The following WDSUB1 variants were observed in gnomAD, a reference collection of about 807,000 sequenced individuals.
WDSUB1 encodes WD repeat, SAM and U-box domain-containing protein 1.
WDSUB1 carries 49 observed loss-of-function variants against 53.9 expected under a neutral mutation model. The ratio of observed to expected loss-of-function variants is 0.91; its 90% CI spans 0.72 to 1.15. The LOEUF (loss-of-function observed/expected upper bound fraction) is 1.15, where lower values mean the gene tolerates loss of function less well. Ranked by LOEUF, WDSUB1 falls within the 50% of genes most tolerant of loss-of-function variation. The pLI, the probability that WDSUB1 is intolerant of heterozygous loss-of-function variation, is 0.00. For synonymous variants in WDSUB1, 194 were observed against 200.6 expected (o/e 0.97, Z 0.28); for missense variants, 514 against 562.0 (o/e 0.91, Z 0.86).
chr2:159,255,846 C>G (rs1223902200), intron 9 of WDSUB1, among the ~76,000 whole-genome samples: 2 of 152,046 alleles, frequency 1.3e-5, no homozygotes, highest in Non-Finnish European at 2.9e-5. Context: ...GATATCAAAA[C>G]TTGTTTTTGG....
chr2:159,236,205 T>C lies in WDSUB1; in HGVS notation c.1274-15A>G. On this transcript the variant is annotated splice_polypyrimidine_tract_variant and intron_variant, in intron 10 of 10. Transcript: ENST00000359774. ...TGAATAGCCATCTAAAAAAAAAAAA[T>C]CACACAAATTACATGATGTAGGAAA... 2 of 1,540,068 alleles carry C rather than the reference T, an allele frequency of 1.3e-6. No homozygotes were observed. The highest frequency in any genetic ancestry group is 1.8e-6 in the Non-Finnish European group (2 of 1,128,908).
At chr2:159,256,513 C>A (rs1183796231) in intron 8 of WDSUB1, 138 bp from the exon 9 acceptor site, 1 of 859,810 alleles carries the variant, frequency 1.2e-6, no homozygotes, top group Non-Finnish European at 1.7e-6. Flanking sequence ...GCCTATAATC[C>A]TAGCTTCTCA....
At chr2:159,241,879 G>T (rs1481301026) in intron 10 of WDSUB1, among the ~76,000 whole-genome samples, 10 of 142,450 alleles carry the variant, frequency 7.0e-5, no homozygotes, top group Admixed American at 6.1e-4. Context: ...GTGGTAAGCT[G>T]GCAAAAAAAT....
At chr2:159,268,664 G>C (rs1575477800) in intron 5 of WDSUB1, among the ~76,000 whole-genome samples, 1 of 152,170 alleles carries the variant, frequency 6.6e-6, no homozygotes, top group South Asian at 2.1e-4. Flanking sequence ...AGACAGGAAA[G>C]TTTTAGAAAA....
In WDSUB1 at chr2:159,247,894, T is replaced by TATATATATATAAATATATATATATATAA. The variant is rs1283473239; in HGVS notation, c.1273+477_1273+478insTTATATATATATATATTTATATATATAT. Among the ~76,000 whole-genome samples, 431 of 43,806 alleles carry TATATATATATAAATATATATATATATAA rather than the reference T, an allele frequency of 9.8e-3. 27 individuals are homozygous for TATATATATATAAATATATATATATATAA. Among genetic ancestry groups the TATATATATATAAATATATATATATATAA allele is most frequent in the Non-Finnish European group, 0.017 (316 of 18,746 alleles). 28.7% of individuals were successfully genotyped at this position (43,806 alleles called of 152,430 possible). A position where few individuals can be genotyped will look rare whatever the true frequency, so the allele number is the denominator to read the frequency against. On this transcript the variant is annotated intron_variant, in intron 10 of 10. Transcript: ENST00000359774. Reference sequence around the variant, plus strand: ...TAGGCCAAAATTAAATAAATATATATATATATATATATATAAATATATATA... The same window carrying TATATATATATAAATATATATATATATAA: ...TAGGCCAAAATTAAATAAATATATATATATATATATAAATATATATATATATAAATATATATATATATAAATATATATA...
At chr2:159,255,243 G>A (rs1291817088) in intron 9 of WDSUB1, among the ~76,000 whole-genome samples, 2 of 152,026 alleles carry the variant, frequency 1.3e-5, no homozygotes, top group East Asian at 1.9e-4. Flanking sequence ...TGAGGCAGGC[G>A]GATCACAAGG....
At chr2:159,256,106 TAAG>T in intron 9 of WDSUB1, 87 bp downstream of exon 9, 1 of 1,276,626 alleles carries the variant, frequency 7.8e-7, no homozygotes, top group Non-Finnish European at 1.1e-6. Context: ...GCCAGAACAT[TAAG>T]AAGAAACCAT....
rs58584838 is a variant in WDSUB1 at position 159,280,690 on chromosome 2, C to CAAAA, written c.399-749_399-746dup. 4.4e-4 allele frequency among the ~76,000 whole-genome samples: 26 copies of CAAAA among 59,592 alleles called. 2 individuals carry two copies. Among genetic ancestry groups the CAAAA allele is most frequent in the Middle Eastern group, 0.026 (2 of 76 alleles). The allele number at this position is 59,592 out of a possible 152,430, so 39.1% of individuals were successfully genotyped here. A position where few individuals can be genotyped will look rare whatever the true frequency, so the allele number is the denominator to read the frequency against. ...TGGGCGACAGAGCGAGACTCCGTCTCAAAAAAAAAAAAAAAAAAATTACCC... is the reference window on the plus strand; with the variant it reads ...TGGGCGACAGAGCGAGACTCCGTCTCAAAAAAAAAAAAAAAAAAAAAAATTACCC... On this transcript the variant is annotated intron_variant, in intron 2 of 10. Transcript: ENST00000359774.
At chr2:159,261,888 ATATATATATTTTTTTTTTTTTTTT>A (rs1366786107) in intron 5 of WDSUB1, among the ~76,000 whole-genome samples, 13 of 14,230 alleles carry the variant, frequency 9.1e-4, no homozygotes, top group Non-Finnish European at 1.3e-3. Flanking sequence ...ATATATATAT[ATATATATATTTTTTTTTTTTTTTT>A]TTTTTTTTTT....
At chr2:159,272,980 A>G (rs116515223) in intron 4 of WDSUB1, among the ~76,000 whole-genome samples, 1 of 152,344 alleles carries the variant, frequency 6.6e-6, no homozygotes, top group Non-Finnish European at 1.5e-5. Context: ...AAGGAAATAC[A>G]CGAGGGAAAT....
At chr2:159,264,328 G>A (rs1420663751) in intron 5 of WDSUB1, among the ~76,000 whole-genome samples, 1 of 152,204 alleles carries the variant, frequency 6.6e-6, no homozygotes, top group African/African-American at 2.4e-5. Flanking sequence ...CAACAGGACT[G>A]TTAGCAATAT....
chr2:159,274,772 A>T (rs1160859582), intron 4 of WDSUB1, among the ~76,000 whole-genome samples: 2 of 152,236 alleles, frequency 1.3e-5, no homozygotes, highest in East Asian at 3.8e-4. Flanking sequence ...ATGCAAACAG[A>T]GTACTAAGCA....
intron 9 of WDSUB1, 30 bp from the exon 10 acceptor site, chr2:159,248,542 A>AACTACTAGTAATCCTTACTACTAGGAT (rs773485363): frequency 1.5e-4 from 220 of 1,474,010 alleles, no homozygotes; most frequent in Non-Finnish European, 1.9e-4. Context: ...AGGGCTGGAT[A>AACTACTAGTAATCCTTACTACTAGGAT]ACTACTAGTA....
At chr2:159,253,207 T>C (rs922547775) in intron 9 of WDSUB1, among the ~76,000 whole-genome samples, 1 of 152,244 alleles carries the variant, frequency 6.6e-6, no homozygotes, top group Non-Finnish European at 1.5e-5. Context: ...AATGTTATAG[T>C]AGTAGTCACA....
chr2:159,272,152 G>T (rs562095312), intron 4 of WDSUB1, among the ~76,000 whole-genome samples: 3 of 152,204 alleles, frequency 2.0e-5, no homozygotes, highest in African/African-American at 7.2e-5. Context: ...GGTGGTAGAG[G>T]TTTAGTATGT....
Position 159,257,930 on chromosome 2 carries a change from A to G in WDSUB1, c.845+15T>C. ...TTTTAAATTATATTAATACAAGGTG[A>G]GGTTAAGTTCAGACCTGGTGTGCTG... On this transcript the variant is annotated intron_variant, in intron 7 of 10. Coordinates refer to ENST00000359774, the MANE Select transcript of WDSUB1 (RefSeq NM_001128212.3). The G allele has an allele frequency of 6.2e-7, 1 of 1,612,676 alleles. No individual in the cohort carries two copies. Among genetic ancestry groups the G allele is most frequent in the Non-Finnish European group, 8.5e-7 (1 of 1,178,840 alleles).
chr2:159,238,163 A>AT (rs1240539527), intron 10 of WDSUB1, among the ~76,000 whole-genome samples: 4 of 152,010 alleles, frequency 2.6e-5, no homozygotes, highest in Non-Finnish European at 5.9e-5. Flanking sequence ...AGCTATTCAT[A>AT]TTTTTTGCCC....
At chr2:159,260,772 C>T (rs76594908) in intron 5 of WDSUB1, among the ~76,000 whole-genome samples, 5,262 of 152,234 alleles carry the variant, frequency 0.035, 134 homozygotes, top group Non-Finnish European at 0.053. Context: ...ATTTCTACCC[C>T]CCTTGGAAAC....
chr2:159,250,087 T>TAAAAAAAAAA (rs1575443807), intron 9 of WDSUB1, among the ~76,000 whole-genome samples: 2 of 30,084 alleles, frequency 6.6e-5, no homozygotes, highest in Non-Finnish European at 1.9e-4. Context: ...AGACTCTGCC[T>TAAAAAAAAAA]CAAAAAAAAA....
Sources: allele counts gnomAD v4.1 joint callset (sites outside exome capture counted in the v4.1 genomes callset), GRCh38; gene constraint gnomAD v4.1.1; transcripts MANE v1.5; gene names NCBI Gene and HGNC (gene_info 2026-07-23, HGNC 2026-07-21).